The following DCDC1 variants were observed in gnomAD, a reference collection of about 807,000 sequenced individuals.
DCDC1 encodes the protein doublecortin domain-containing protein 1.
DCDC1 carries 200 observed loss-of-function variants against 178.3 expected under a neutral mutation model. The ratio of observed to expected loss-of-function variants is 1.12; its 90% confidence interval spans 1.00 to 1.26. The LOEUF (loss-of-function observed/expected upper bound fraction) is 1.26. Ranked by LOEUF, DCDC1 falls within the 50% of genes most tolerant of loss-of-function variation. DCDC1 has a pLI of 0.00. For synonymous variants in DCDC1, 690 were observed against 604.8 expected, an observed-to-expected ratio of 1.14 and a Z score of -2.07; for missense variants, 1,983 against 1,749.2, an observed-to-expected ratio of 1.13 and a Z score of -2.38.
chr11:30,894,184 T>C, intron 35 of DCDC1, 64 bp downstream of exon 35: 4 of 1,558,798 alleles, frequency 2.6e-6, no homozygotes, highest in South Asian at 2.4e-5. Flanking sequence ...AAATTCAATA[T>C]TGTACTTTTA....
chr11:31,048,750 G>A (rs532933577), intron 20 of DCDC1, among the ~76,000 whole-genome samples: 7 of 152,192 alleles, frequency 4.6e-5, no homozygotes, highest in Middle Eastern at 3.4e-3. Flanking sequence ...CCAGGTACTC[G>A]GGAGGCTGAG....
rs1176942329 is a variant in DCDC1 at position 31,328,945 on chromosome 11, C to CTTTTTTTT, written c.-6-667_-6-660dup. Among the ~76,000 whole-genome samples the CTTTTTTTT allele has an allele frequency of 5.2e-4, 25 of 47,800 alleles. 1 individual carries two copies. The highest frequency in any genetic ancestry group is 6.7e-4 in the Non-Finnish European group (16 of 23,764). 31.4% of individuals were successfully genotyped at this position (47,800 alleles called of 152,430 possible). On this transcript the variant is annotated intron_variant, in intron 2 of 38. Transcript: ENST00000684477. Reference sequence around the variant, plus strand: ...GTTACTGAAAAAGCACACCACAAGGCTTTTTTTTTTTTTTTTTTTTTTTTT... The same window carrying CTTTTTTTT: ...GTTACTGAAAAAGCACACCACAAGGCTTTTTTTTTTTTTTTTTTTTTTTTTTTTTTTTT...
At chr11:30,957,988 T>C (rs528036740) in intron 20 of DCDC1, among the ~76,000 whole-genome samples, 1 of 152,166 alleles carries the variant, frequency 6.6e-6, no homozygotes, top group Non-Finnish European at 1.5e-5. Context: ...GATGTGTTAG[T>C]GCTGGTCAGA....
intron 3 of DCDC1, among the ~76,000 whole-genome samples, chr11:31,313,652 A>C (rs1056335082): frequency 3.3e-5 from 5 of 152,138 alleles, no homozygotes; most frequent in African/African-American, 1.2e-4. Context: ...GTTTTGCTGA[A>C]TTTTGTCTTT....
chr11:31,006,689 C>T (rs932472215), intron 20 of DCDC1, among the ~76,000 whole-genome samples: 2 of 152,260 alleles, frequency 1.3e-5, no homozygotes, highest in Non-Finnish European at 1.5e-5. Context: ...TTGTCTGGAG[C>T]GTAGTAAGCA....
chr11:31,033,646 C>T (rs952855798), intron 20 of DCDC1, among the ~76,000 whole-genome samples: 1 of 151,982 alleles, frequency 6.6e-6, no homozygotes, highest in African/African-American at 2.4e-5. Flanking sequence ...TAAACTAATA[C>T]GTTAAATGAA....
At chr11:31,341,292 G>C (rs1355994291) in intron 1 of DCDC1, among the ~76,000 whole-genome samples, 1 of 152,172 alleles carries the variant, frequency 6.6e-6, no homozygotes, top group Non-Finnish European at 1.5e-5. Context: ...CCAGAAGAAA[G>C]TGATGACAGA....
intron 37 of DCDC1, 133 bp downstream of exon 37, chr11:30,881,025 A>G (rs1206150056): frequency 1.9e-6 from 2 of 1,029,570 alleles, no homozygotes; most frequent in African/African-American, 1.6e-5. Context: ...TTTAACTTCC[A>G]TAACATGGAG....
chr11:31,148,952 C>T (rs959084208), intron 9 of DCDC1, among the ~76,000 whole-genome samples: 3 of 152,026 alleles, frequency 2.0e-5, no homozygotes, highest in African/African-American at 7.2e-5. Context: ...GCCTTCCCAT[C>T]CTCAAAGCTT....
chr11:31,023,280 T>C (rs1009157823), intron 20 of DCDC1, among the ~76,000 whole-genome samples: 1 of 152,100 alleles, frequency 6.6e-6, no homozygotes, highest in African/African-American at 2.4e-5. Context: ...TGTATGCATA[T>C]ATGTAATAAT....
chr11:31,298,438 T>A (rs931639678), intron 6 of DCDC1, among the ~76,000 whole-genome samples: 1 of 152,144 alleles, frequency 6.6e-6, no homozygotes, highest in Non-Finnish European at 1.5e-5. Flanking sequence ...GTGACTGGAC[T>A]CTAGTGAGGA....
intron 9 of DCDC1, among the ~76,000 whole-genome samples, chr11:31,167,082 TTA>T (rs1227520891): frequency 2.6e-5 from 4 of 152,122 alleles, no homozygotes; most frequent in Non-Finnish European, 5.9e-5. Flanking sequence ...AGCCCACAAA[TTA>T]TATGTCATGA....
intron 20 of DCDC1, among the ~76,000 whole-genome samples, chr11:31,014,970 T>TG (rs1952398459): frequency 6.6e-6 from 1 of 151,002 alleles, no homozygotes; most frequent in Non-Finnish European, 1.5e-5. Context: ...TTTTTTGAGA[T>TG]GGAGTCTCGC....
chr11:31,332,655 G>A (rs1315430928), intron 2 of DCDC1, among the ~76,000 whole-genome samples: 1 of 152,184 alleles, frequency 6.6e-6, no homozygotes, highest in Non-Finnish European at 1.5e-5. Context: ...TCATTCAAGA[G>A]CAGGTTGTTC....
chr11:31,364,107 G>A (rs1226308697), intron 1 of DCDC1, among the ~76,000 whole-genome samples: 1 of 152,194 alleles, frequency 6.6e-6, no homozygotes, highest in Non-Finnish European at 1.5e-5. Flanking sequence ...TTGCCCAACT[G>A]TAGGCTAAAG....
chr11:31,329,326 T>TA (rs1380046597), intron 2 of DCDC1, among the ~76,000 whole-genome samples: 10 of 152,118 alleles, frequency 6.6e-5, no homozygotes, highest in Admixed American at 3.3e-4. Flanking sequence ...ACCACCTCTT[T>TA]AGTTTCCTAC....
At chr11:31,116,894 A>G (rs1276478938) in intron 11 of DCDC1, among the ~76,000 whole-genome samples, 2 of 152,110 alleles carry the variant, frequency 1.3e-5, no homozygotes, top group Non-Finnish European at 2.9e-5. Context: ...AAGCCCAGAA[A>G]AGGCATACCA....
At chr11:31,204,528 T>A (rs1351922692) in intron 9 of DCDC1, among the ~76,000 whole-genome samples, 1 of 152,108 alleles carries the variant, frequency 6.6e-6, no homozygotes, top group Middle Eastern at 3.4e-3. Context: ...AAAACTTTCA[T>A]CAAAACAAAA....
chr11:31,156,120 A>G (rs1029943211), intron 9 of DCDC1: 1 of 152,226 alleles, frequency 6.6e-6, no homozygotes, highest in African/African-American at 2.4e-5. Context: ...AGGCAAAAAC[A>G]AGGATAAAAT....
Sources: allele counts gnomAD v4.1 joint callset (sites outside exome capture counted in the v4.1 genomes callset), GRCh38; gene constraint gnomAD v4.1.1; transcripts MANE v1.5; gene names NCBI Gene and HGNC (gene_info 2026-07-23, HGNC 2026-07-21).